The following IGF2BP2 variants were observed in gnomAD, a reference collection of about 807,000 sequenced individuals.
IGF2BP2 encodes the protein insulin like growth factor 2 mRNA binding protein 2, also known as insulin-like growth factor 2 mRNA-binding protein 2.
Under a neutral mutation model 75.8 loss-of-function variants are expected in IGF2BP2, and 17 were observed. The ratio of observed to expected loss-of-function variants is 0.22; its 90% confidence interval spans 0.15 to 0.34. The LOEUF is 0.34. Among genes scored for constraint, IGF2BP2 ranks in the 10% least tolerant of loss-of-function variants. The pLI is 1.00. For synonymous variants in IGF2BP2, 288 were observed against 295.6 expected (o/e 0.97, Z 0.26); for missense variants, 516 against 772.4 (o/e 0.67, Z 3.93).
rs201252245 is a variant in IGF2BP2 at position 185,713,074 on chromosome 3, ATGTGTGTGTGTGTG to A, written c.240-14741_240-14728del. On this transcript the variant is annotated intron_variant, in intron 2 of 15. Transcript: ENST00000382199. The stretch of plus-strand genomic sequence containing the variant: ...TGCATAGCCTGCCCTACAGATATGT[ATGTGTGTGTGTGTG>A]TGTGTGTGTGTGTGCAAGAGACATA... Among the ~76,000 whole-genome samples, 115 of 144,584 alleles carry A rather than the reference ATGTGTGTGTGTGTG, an allele frequency of 8.0e-4. No homozygotes were observed. The Middle Eastern group carries it at 0.014, about 18-fold the overall frequency. 94.9% of individuals were successfully genotyped at this position (144,584 alleles called of 152,430 possible).
At position 185,792,782 on chromosome 3, in the gene IGF2BP2, T is replaced by C. The variant is rs574871030; in HGVS notation, c.239+30371A>G. ...CTCCGTCTCAAAAAAAAAAAAAAAA[T>C]ACAGAGGTGCAATCAAAATAAGAAT... On this transcript the variant is annotated intron_variant, in intron 2 of 15. Coordinates refer to ENST00000382199, the MANE Select transcript of IGF2BP2 (RefSeq NM_006548.6). Among the ~76,000 whole-genome samples, 357 of 142,762 alleles carry C rather than the reference T, an allele frequency of 2.5e-3. 4 individuals carry two copies. Among genetic ancestry groups the C allele is most frequent in the Admixed American group, 0.021 (302 of 14,310 alleles). The allele number at this position is 142,762 out of a possible 152,430, so 93.7% of individuals were successfully genotyped here. A position where few individuals can be genotyped will look rare whatever the true frequency, so the allele number is the denominator to read the frequency against.
chr3:185,653,212 T>C (rs1227320013), intron 12 of IGF2BP2, among the ~76,000 whole-genome samples: 1 of 152,152 alleles, frequency 6.6e-6, no homozygotes, highest in Non-Finnish European at 1.5e-5. Flanking sequence ...GTTAGAGAGA[T>C]CTTTGTTACA....
intron 15 of IGF2BP2, among the ~76,000 whole-genome samples, chr3:185,646,403 C>T (rs1256350994): frequency 1.3e-5 from 2 of 152,192 alleles, no homozygotes; most frequent in African/African-American, 4.8e-5. Flanking sequence ...CTGCTTACAC[C>T]AAGTACACTG....
intron 2 of IGF2BP2, among the ~76,000 whole-genome samples, chr3:185,776,887 T>C (rs190990692): frequency 1.3e-5 from 2 of 152,132 alleles, no homozygotes; most frequent in African/African-American, 2.4e-5. Context: ...CAGCTTATGG[T>C]AAAGACATAC....
chr3:185,722,116 TAGAGAG>T, intron 2 of IGF2BP2: 1 of 333,406 alleles, frequency 3.0e-6, no homozygotes, highest in Non-Finnish European at 5.8e-6. Context: ...TTTTTTTTTG[TAGAGAG>T]AGTGTCTCAC....
At chr3:185,713,144 T>G in intron 2 of IGF2BP2, 1 of 316,322 alleles carries the variant, frequency 3.2e-6, no homozygotes, top group Non-Finnish European at 6.3e-6. Context: ...GGTGTAATAC[T>G]GTGAATGAGA....
chr3:185,715,033 G>C (rs1263575530), intron 2 of IGF2BP2, among the ~76,000 whole-genome samples: 3 of 152,204 alleles, frequency 2.0e-5, no homozygotes, highest in Non-Finnish European at 4.4e-5. Context: ...CAAGGGACAA[G>C]CCTGCACCAT....
Position 185,734,745 on chromosome 3 carries a change from T to G in IGF2BP2, c.240-36398A>C, listed in dbSNP as rs190696490. Reference sequence around the variant, plus strand: ...CTCAACTTTCTTTGGACAGATCTTATGAGACTCAGGCTAAAACCTAACTCC... The same window carrying G: ...CTCAACTTTCTTTGGACAGATCTTAGGAGACTCAGGCTAAAACCTAACTCC... On this transcript the variant is annotated intron_variant, in intron 2 of 15. Transcript: ENST00000382199. 1.4e-3 allele frequency among the ~76,000 whole-genome samples: 212 copies of G among 152,374 alleles called. 2 individuals are homozygous for G. The highest frequency in any genetic ancestry group is 5.0e-3 in the African/African-American group (206 of 41,584).
intron 11 of IGF2BP2, 52 bp from the exon 12 acceptor site, chr3:185,657,454 C>T (rs973581962): frequency 1.1e-5 from 16 of 1,404,642 alleles, no homozygotes; most frequent in Non-Finnish European, 1.4e-5. Context: ...GCTTTCTCCT[C>T]CAGGCACTCA....
At chr3:185,722,515 C>A in intron 2 of IGF2BP2, 1 of 288,948 alleles carries the variant, frequency 3.5e-6, no homozygotes, top group Non-Finnish European at 6.7e-6. Flanking sequence ...TTTCTGGAGG[C>A]GGTACAGTGA....
At chr3:185,720,053 A>G (rs956278085) in intron 2 of IGF2BP2, among the ~76,000 whole-genome samples, 6 of 152,158 alleles carry the variant, frequency 3.9e-5, no homozygotes, top group Non-Finnish European at 7.4e-5. Context: ...GGAAAGTGGG[A>G]AAATATTCTC....
chr3:185,766,585 A>G (rs1733102105), intron 2 of IGF2BP2, among the ~76,000 whole-genome samples: 1 of 152,256 alleles, frequency 6.6e-6, no homozygotes, highest in Non-Finnish European at 1.5e-5. Flanking sequence ...GCAGAGTTGA[A>G]TAGGTACTAA....
At chr3:185,691,255 C>T (rs1344924233) in intron 5 of IGF2BP2, among the ~76,000 whole-genome samples, 1 of 151,930 alleles carries the variant, frequency 6.6e-6, no homozygotes, top group Non-Finnish European at 1.5e-5. Context: ...TGCGCCACCA[C>T]GCCTGGCTAA....
intron 2 of IGF2BP2, among the ~76,000 whole-genome samples, chr3:185,727,606 A>C (rs560707158): frequency 1.9e-4 from 29 of 152,374 alleles, no homozygotes; most frequent in African/African-American, 6.7e-4. Flanking sequence ...CAGTAGCATC[A>C]TAATCCTTCC....
intron 2 of IGF2BP2, among the ~76,000 whole-genome samples, chr3:185,814,944 G>A (rs1488314597): frequency 2.0e-5 from 3 of 151,878 alleles, no homozygotes; most frequent in African/African-American, 7.3e-5. Flanking sequence ...CCTTCTCTAA[G>A]ACACAGATAT....
At chr3:185,703,502 C>A (rs1288449732) in intron 2 of IGF2BP2, among the ~76,000 whole-genome samples, 1 of 151,982 alleles carries the variant, frequency 6.6e-6, no homozygotes, top group African/African-American at 2.4e-5. Flanking sequence ...AGAACCATTT[C>A]ATCTGTATTA....
intron 2 of IGF2BP2, among the ~76,000 whole-genome samples, chr3:185,763,412 TA>T (rs1323583287): frequency 2.0e-5 from 3 of 152,224 alleles, no homozygotes; most frequent in Non-Finnish European, 4.4e-5. Context: ...TCCTGCGACT[TA>T]AGCATTTATG....
chr3:185,686,181 C>T (rs1425596435), intron 7 of IGF2BP2, among the ~76,000 whole-genome samples: 2 of 151,974 alleles, frequency 1.3e-5, no homozygotes, highest in African/African-American at 2.4e-5. Flanking sequence ...GTCAGGAGTT[C>T]GAGACTAGCC....
Position 185,739,187 on chromosome 3 carries a change from T to TAAAAC in IGF2BP2, c.240-40845_240-40841dup, listed in dbSNP as rs531246187. ...GGAATAGGGATTACAACGGTGGACT[T>TAAAAC]AAAACAAAACGAAACGGCCATTGCA... On this transcript the variant is annotated intron_variant, in intron 2 of 15. Transcript: ENST00000382199. Among the ~76,000 whole-genome samples, 10 of 152,244 alleles carry TAAAAC rather than the reference T, an allele frequency of 6.6e-5. No individual in the cohort carries two copies. The South Asian group carries it at 2.1e-3, about 32-fold the overall frequency.
Sources: gnomAD v4.1 joint callset for allele counts (sites outside exome capture counted in the v4.1 genomes callset) on GRCh38, gnomAD v4.1.1 for gene constraint, MANE v1.5 for transcripts, NCBI Gene and HGNC (gene_info 2026-07-23, HGNC 2026-07-21) for gene names.